SEC61A2: variants seen among roughly 807,000 people sequenced by gnomAD.
The protein encoded by SEC61A2 is SEC61 translocon subunit alpha 2.
Under a neutral mutation model 59.9 loss-of-function variants are expected in SEC61A2, and 28 were observed. The ratio of observed to expected loss-of-function variants is 0.47; its 90% confidence interval spans 0.35 to 0.64. The LOEUF (loss-of-function observed/expected upper bound fraction) is 0.64. Among genes scored for constraint, SEC61A2 ranks in the 30% least tolerant of loss-of-function variants. The pLI is 0.01. For synonymous variants in SEC61A2, 202 were observed against 214.4 expected, an observed-to-expected ratio of 0.94 and a Z score of 0.50; for missense variants, 340 against 585.9, an observed-to-expected ratio of 0.58 and a Z score of 4.33.
intron 4 of SEC61A2, among the ~76,000 whole-genome samples, chr10:12,147,529 A>G (rs1372761499): frequency 2.0e-5 from 3 of 152,124 alleles, no homozygotes; most frequent in Admixed American, 2.0e-4. Flanking sequence ...TACCAAAAAT[A>G]CAGAAATTAG....
In SEC61A2 at chr10:12,145,836, A is replaced by G. The variant is rs1834125438; in HGVS notation, c.220+2641A>G. The stretch of plus-strand genomic sequence containing the variant: ...ATTAAGGAATAGGAAATCACTGACT[A>G]GCTTAAACAGAAACATGATACTTGC... On this transcript the variant is annotated intron_variant, in intron 4 of 11. Transcript: ENST00000298428. The surrounding 1 kb of genome is among the most constrained non-coding windows in gnomAD (Gnocchi z 4.4). 6.6e-6 allele frequency among the ~76,000 whole-genome samples: 1 copy of G among 152,216 alleles called. No individual in the cohort carries two copies. Among genetic ancestry groups the G allele is most frequent in the African/African-American group, 2.4e-5 (1 of 41,456 alleles).
At chr10:12,139,330 A>G (rs1833956818) in intron 3 of SEC61A2, among the ~76,000 whole-genome samples, 1 of 151,272 alleles carries the variant, frequency 6.6e-6, no homozygotes. Context: ...ATCCTGGTCT[A>G]CTTTTAGTAT....
chr10:12,131,777 C>T (rs73579277), intron 1 of SEC61A2, among the ~76,000 whole-genome samples: 81 of 135,972 alleles, frequency 6.0e-4, no homozygotes, highest in Non-Finnish European at 1.0e-3. Flanking sequence ...TGCAAGCTCC[C>T]CCTCCTGGGG....
Position 12,158,375 on chromosome 10 carries a change from A to G in SEC61A2, c.975+270A>G, listed in dbSNP as rs922843250. The G allele has an allele frequency of 1.3e-5, 5 of 398,468 alleles. No individual in the cohort carries two copies. Among genetic ancestry groups the G allele is most frequent in the African/African-American group, 2.1e-5 (1 of 47,888 alleles). The allele number at this position is 398,468 out of a possible 1,614,324, so 24.7% of individuals were successfully genotyped here. ...AAGCTAAAATTGTGGTTGATTTCAT[A>G]AAAGTAATTTCCTATTTTGTCATCT... On this transcript the variant is annotated intron_variant, in intron 9 of 11. Transcript: ENST00000298428. The surrounding 1 kb of genome is among the most constrained non-coding windows in gnomAD (Gnocchi z 5.7).
At position 12,141,002 on chromosome 10, in the gene SEC61A2, C is replaced by T. The variant is rs371785952; in HGVS notation, c.142-2115C>T. Among the ~76,000 whole-genome samples the T allele has an allele frequency of 2.8e-4, 43 of 152,082 alleles. No homozygotes were observed. In the Middle Eastern group the frequency reaches 0.01, roughly 36 times the overall value. ...GCAACCTCTGCCTCCCAGGTTCAAG[C>T]GATTCTCCTACCTCCGCCTCCTGAG... On this transcript the variant is annotated intron_variant, in intron 3 of 11. Coordinates refer to ENST00000298428, the MANE Select transcript of SEC61A2 (RefSeq NM_018144.4).
chr10:12,149,279 G>T lies in SEC61A2; in HGVS notation c.221-316G>T, dbSNP rs762424932. On this transcript the variant is annotated intron_variant, in intron 4 of 11. Transcript: ENST00000298428. This position sits in a 1 kb window ranked among gnomAD's most constrained non-coding sequence, Gnocchi z 5.2. ...TAATTTTTGCATTTTTAGTAGAGAC[G>T]GGGTTTCTCCATGTTGTCCCGTTGG... Among the ~76,000 whole-genome samples the T allele has an allele frequency of 6.6e-6, 1 of 151,888 alleles. No individual in the cohort carries two copies. Among genetic ancestry groups the T allele is most frequent in the Non-Finnish European group, 1.5e-5 (1 of 67,984 alleles).
Position 12,129,907 on chromosome 10 carries a change from C to A in SEC61A2, c.7+113C>A. On this transcript the variant is annotated intron_variant, in intron 1 of 11. Coordinates refer to ENST00000298428, the MANE Select transcript of SEC61A2 (RefSeq NM_018144.4). The surrounding 1 kb of genome is among the most constrained non-coding windows in gnomAD (Gnocchi z 5.6). ...GTCGTGGGGGCCAGGGATGCGCGGG[C>A]CGCTCCGGGCCTCAGCGGAGGGCAC... 1.0e-6 allele frequency: 1 copy of A among 978,490 alleles called. No individual in the cohort carries two copies. Among genetic ancestry groups the A allele is most frequent in the Non-Finnish European group, 1.4e-6 (1 of 738,744 alleles). The allele number at this position is 978,490 out of a possible 1,614,324, so 60.6% of individuals were successfully genotyped here. A position where few individuals can be genotyped will look rare whatever the true frequency, so the allele number is the denominator to read the frequency against.
chr10:12,161,049 C>CA lies in SEC61A2; in HGVS notation c.1096dup (p.Ile366AsnfsTer12). On this transcript the variant is annotated frameshift_variant, in exon 10 of 12. Transcript: ENST00000298428. LOFTEE classifies it high-confidence loss of function. The surrounding 1 kb of genome is among the most constrained non-coding windows in gnomAD (Gnocchi z 5.4). ...ATCCTGTCCATGTCGTTGTTTATAT[C>CA]ATCTTCATGTTGGGGTCATGTGCAT... 1 of 1,614,104 alleles carries CA rather than the reference C, an allele frequency of 6.2e-7. No homozygotes were observed. Among genetic ancestry groups the CA allele is most frequent in the Non-Finnish European group, 8.5e-7 (1 of 1,179,936 alleles).
At chr10:12,157,572 G>A (rs576710814) in intron 8 of SEC61A2, among the ~76,000 whole-genome samples, 1 of 143,416 alleles carries the variant, frequency 7.0e-6, no homozygotes, top group African/African-American at 2.6e-5. Context: ...GCGCAATCCC[G>A]GCTAACTGCA....
chr10:12,130,258 G>T (rs926758335), intron 1 of SEC61A2, among the ~76,000 whole-genome samples: 1 of 152,178 alleles, frequency 6.6e-6, no homozygotes, highest in Non-Finnish European at 1.5e-5. Context: ...ATTGGTAACA[G>T]CGTTTTCCTT....
rs773503453 is a variant in SEC61A2, at chr10:12,158,127, A to C, written c.975+22A>C. The C allele has an allele frequency of 6.5e-7, 1 of 1,539,534 alleles. No individual in the cohort carries two copies. The highest frequency in any genetic ancestry group is 1.7e-5 in the Admixed American group (1 of 58,470). On this transcript the variant is annotated intron_variant, in intron 9 of 11. Coordinates refer to ENST00000298428, the MANE Select transcript of SEC61A2 (RefSeq NM_018144.4). This position sits in a 1 kb window ranked among gnomAD's most constrained non-coding sequence, Gnocchi z 5.7. ...GGCCGTGAGTATTATGTTTATTTAC[A>C]TTATTTATAGTTTATTATAATTTGC...
chr10:12,140,498 A>T (rs1226215455), intron 3 of SEC61A2, among the ~76,000 whole-genome samples: 1 of 152,216 alleles, frequency 6.6e-6, no homozygotes, highest in African/African-American at 2.4e-5. Context: ...GCAGGAAAGG[A>T]GGGTATACCA....
chr10:12,139,293 C>T (rs1003067171), intron 3 of SEC61A2, among the ~76,000 whole-genome samples: 4 of 151,702 alleles, frequency 2.6e-5, no homozygotes, highest in Non-Finnish European at 4.4e-5. Flanking sequence ...TTCCACCAGC[C>T]GTGTTCTGGA....
Position 12,150,136 on chromosome 10 carries a change from C to T in SEC61A2, c.462+175C>T, listed in dbSNP as rs771485085. On this transcript the variant is annotated intron_variant, in intron 6 of 11. Transcript: ENST00000298428. ...AAATTTTTTTAAAACCTTCTGTCAC[C>T]GTGACGTGTTCAAGTTGTGTTGACG... Among the ~76,000 whole-genome samples the T allele has an allele frequency of 2.6e-5, 4 of 152,048 alleles. No homozygotes were observed. In the East Asian group the frequency reaches 7.7e-4, roughly 29 times the overall value.
intron 4 of SEC61A2, among the ~76,000 whole-genome samples, chr10:12,144,977 A>G (rs1449292284): frequency 6.6e-6 from 1 of 151,982 alleles, no homozygotes; most frequent in African/African-American, 2.4e-5. Context: ...TGAGCCTGGG[A>G]GGAAGAGATT....
intron 1 of SEC61A2, among the ~76,000 whole-genome samples, chr10:12,130,453 A>G (rs1320577753): frequency 6.6e-6 from 1 of 152,182 alleles, no homozygotes; most frequent in Non-Finnish European, 1.5e-5. Flanking sequence ...ATACCCAAGC[A>G]GGGCACCCAT....
chr10:12,156,047 G>C lies in SEC61A2; in HGVS notation c.616+116G>C, dbSNP rs1012587463. On this transcript the variant is annotated intron_variant, in intron 7 of 11. Coordinates refer to ENST00000298428, the MANE Select transcript of SEC61A2 (RefSeq NM_018144.4). This position sits in a 1 kb window ranked among gnomAD's most constrained non-coding sequence, Gnocchi z 5.2. The stretch of plus-strand genomic sequence containing the variant: ...TCTGGTTTGCTCTCCTAGGGGATAA[G>C]GAATGCGAATTCTTCAAAACTTAAT... 5 of 1,026,676 alleles carry C rather than the reference G, an allele frequency of 4.9e-6. No individual in the cohort carries two copies. In the African/African-American group the frequency reaches 8.0e-5, roughly 16 times the overall value. 63.6% of individuals were successfully genotyped at this position (1,026,676 alleles called of 1,614,324 possible).
intron 1 of SEC61A2, chr10:12,130,925 C>T (rs995932647): frequency 2.6e-5 from 4 of 152,278 alleles, no homozygotes; most frequent in Non-Finnish European, 5.9e-5. Flanking sequence ...GTAATCCCAG[C>T]ACTTTGGGAG....
Position 12,143,102 on chromosome 10 carries a change from T to G in SEC61A2, c.142-15T>G. 3 of 1,589,468 alleles carry G rather than the reference T, an allele frequency of 1.9e-6. No individual in the cohort carries two copies. The highest frequency in any genetic ancestry group is 2.6e-6 in the Non-Finnish European group (3 of 1,157,638). On this transcript the variant is annotated splice_polypyrimidine_tract_variant and intron_variant, in intron 3 of 11. Coordinates refer to ENST00000298428, the MANE Select transcript of SEC61A2 (RefSeq NM_018144.4). This position sits in a 1 kb window ranked among gnomAD's most constrained non-coding sequence, Gnocchi z 4.8. ...TATAATACAGTTTCATAAACTATTT[T>G]GTGTACTATTTTAGATCCCACTGTT...
Sources: allele counts gnomAD v4.1 joint callset (sites outside exome capture counted in the v4.1 genomes callset), GRCh38; gene constraint gnomAD v4.1.1; non-coding constraint Gnocchi (gnomAD v3.1); transcripts MANE v1.5; gene names NCBI Gene and HGNC (gene_info 2026-07-23, HGNC 2026-07-21).